The following CTDSPL2 variants were observed in gnomAD, a reference collection of about 807,000 sequenced individuals.
CTDSPL2 encodes the protein CTD small phosphatase-like protein 2.
A neutral mutation model predicts 60.0 loss-of-function variants in CTDSPL2; 5 were observed. That is an observed-to-expected ratio of 0.08 (90% confidence interval 0.04 to 0.18). CTDSPL2 has a LOEUF of 0.18. Among genes scored for constraint, CTDSPL2 ranks in the 10% least tolerant of loss-of-function variants. The pLI is 1.00. For missense variants in CTDSPL2, 370 were observed against 548.8 expected (o/e 0.67, Z 3.26); for synonymous variants, 186 against 189.3 (o/e 0.98, Z 0.14).
chr15:44,502,943 C>T (rs1747937993), intron 8 of CTDSPL2, among the ~76,000 whole-genome samples: 1 of 151,900 alleles, frequency 6.6e-6, no homozygotes, highest in Non-Finnish European at 1.5e-5. Flanking sequence ...TAATGCAAGT[C>T]TTAGAATTTG....
intron 1 of CTDSPL2, among the ~76,000 whole-genome samples, chr15:44,445,532 A>G (rs2080192268): frequency 6.6e-6 from 1 of 152,008 alleles, no homozygotes; most frequent in African/African-American, 2.4e-5. Flanking sequence ...TGGGTTAACT[A>G]TGTACATAGG....
intron 2 of CTDSPL2, among the ~76,000 whole-genome samples, chr15:44,481,430 TA>T (rs1003892011): frequency 2.6e-5 from 4 of 152,170 alleles, no homozygotes; most frequent in African/African-American, 9.6e-5. Flanking sequence ...AATAACATAG[TA>T]GGGGGGAGGG....
At chr15:44,484,030 T>C (rs1370476802) in intron 2 of CTDSPL2, among the ~76,000 whole-genome samples, 194 bp from the exon 3 acceptor site, 1 of 152,220 alleles carries the variant, frequency 6.6e-6, no homozygotes, top group Non-Finnish European at 1.5e-5. Context: ...TATTTGTATA[T>C]TGTAATTGCA....
Position 44,486,717 on chromosome 15 carries a change from A to C in CTDSPL2, c.475+17A>C. 1 of 1,491,842 alleles carries C rather than the reference A, an allele frequency of 6.7e-7. No homozygotes were observed. Among genetic ancestry groups the C allele is most frequent in the Non-Finnish European group, 9.0e-7 (1 of 1,116,566 alleles). The allele number at this position is 1,491,842 out of a possible 1,614,324, so 92.4% of individuals were successfully genotyped here. ...ATAAAAATGGTAAGTATAAACTGTT[A>C]ACTGTGATTTGGATTTTTTTTAAAA... is the stretch of plus-strand genomic sequence containing the variant. On this transcript the variant is annotated intron_variant, in intron 4 of 12. Coordinates refer to ENST00000260327, the MANE Select transcript of CTDSPL2 (RefSeq NM_016396.3).
At chr15:44,475,851 C>T (rs1193447134) in intron 2 of CTDSPL2, among the ~76,000 whole-genome samples, 1 of 152,074 alleles carries the variant, frequency 6.6e-6, no homozygotes, top group East Asian at 1.9e-4. Context: ...TGTAGTAAGA[C>T]AACCTTATGC....
At chr15:44,456,736 A>G (rs886609657) in intron 1 of CTDSPL2, among the ~76,000 whole-genome samples, 14 of 147,536 alleles carry the variant, frequency 9.5e-5, no homozygotes, top group Admixed American at 2.7e-4. Context: ...TTGTGTCTCT[A>G]TCTCCCTCAG....
At position 44,527,508 on chromosome 15, in the gene CTDSPL2, A is replaced by C. The variant is rs1463957142; in HGVS notation, c.*3334A>C. 1 of 152,168 alleles carries C rather than the reference A, an allele frequency of 6.6e-6. No homozygotes were observed. Among genetic ancestry groups the C allele is most frequent in the Non-Finnish European group, 1.5e-5 (1 of 68,004 alleles). The allele number at this position is 152,168 out of a possible 1,614,324, so 9.4% of individuals were successfully genotyped here. Reference sequence around the variant, plus strand: ...GCACAGAATTCTTCATAAGGACCAGATCTCTTCCATGTCTGTGTCAATCAC... The same window carrying C: ...GCACAGAATTCTTCATAAGGACCAGCTCTCTTCCATGTCTGTGTCAATCAC... On this transcript the variant is annotated 3_prime_UTR_variant, in exon 13 of 13. Transcript: ENST00000260327.
At chr15:44,453,991 G>A (rs1004583203) in intron 1 of CTDSPL2, among the ~76,000 whole-genome samples, 1 of 152,208 alleles carries the variant, frequency 6.6e-6, no homozygotes, top group African/African-American at 2.4e-5. Flanking sequence ...GATCCTTGAG[G>A]AATTGCCACA....
At chr15:44,482,974 C>T (rs1234970277) in intron 2 of CTDSPL2, among the ~76,000 whole-genome samples, 2 of 151,992 alleles carry the variant, frequency 1.3e-5, no homozygotes, top group Non-Finnish European at 2.9e-5. Context: ...GAAAATCACT[C>T]ATGTGGCTAG....
intron 10 of CTDSPL2, chr15:44,518,551 C>T (rs1266329979): frequency 6.6e-6 from 1 of 151,946 alleles, no homozygotes; most frequent in Non-Finnish European, 1.5e-5. Context: ...ATGTTTTGGT[C>T]TTAGGACCTT....
chr15:44,476,436 A>G (rs562533108), intron 2 of CTDSPL2, among the ~76,000 whole-genome samples: 18 of 152,300 alleles, frequency 1.2e-4, no homozygotes, highest in African/African-American at 3.1e-4. Flanking sequence ...TTAGAAGTAA[A>G]TGTATTTTAA....
intron 10 of CTDSPL2, chr15:44,516,762 A>T (rs1285780997): frequency 6.6e-6 from 1 of 152,218 alleles, no homozygotes; most frequent in Non-Finnish European, 1.5e-5. Context: ...CTAGATTTAT[A>T]AAACCTACAC....
intron 8 of CTDSPL2, among the ~76,000 whole-genome samples, chr15:44,507,124 G>A (rs1194500735): frequency 1.3e-5 from 2 of 150,132 alleles, no homozygotes; most frequent in Admixed American, 6.7e-5. Context: ...CTACTCTGTC[G>A]CCCAGGCTAG....
intron 2 of CTDSPL2, among the ~76,000 whole-genome samples, chr15:44,472,411 T>C (rs572291954): frequency 1.3e-5 from 2 of 152,340 alleles, no homozygotes; most frequent in African/African-American, 4.8e-5. Context: ...TGTCGTAGTT[T>C]TGATTTGCAT....
At chr15:44,501,395 G>C (rs1049956053) in intron 8 of CTDSPL2, among the ~76,000 whole-genome samples, 1 of 152,010 alleles carries the variant, frequency 6.6e-6, no homozygotes, top group African/African-American at 2.4e-5. Flanking sequence ...AGGTAAATTT[G>C]ATTCTTCCCT....
At chr15:44,444,663 G>A (rs967026787) in intron 1 of CTDSPL2, among the ~76,000 whole-genome samples, 2 of 150,358 alleles carry the variant, frequency 1.3e-5, no homozygotes, top group African/African-American at 4.9e-5. Flanking sequence ...TCTTCTAAGA[G>A]TCTTAGCTCT....
In CTDSPL2 at chr15:44,521,304, G is replaced by A. The variant is rs1422612928; in HGVS notation, c.1240-7G>A. ...AAGAGGATTTAATTACTTATTTATT[G>A]TTTTAGCTTTCTAATGGAATCCCTA... is the stretch of plus-strand genomic sequence containing the variant. On this transcript the variant is annotated splice_polypyrimidine_tract_variant and splice_region_variant and intron_variant, in intron 11 of 12. Transcript: ENST00000260327. The A allele has an allele frequency of 2.2e-6, 3 of 1,333,854 alleles. No individual in the cohort carries two copies. The highest frequency in any genetic ancestry group is 3.2e-6 in the Non-Finnish European group (3 of 947,386). 82.6% of individuals were successfully genotyped at this position (1,333,854 alleles called of 1,614,324 possible). A position where few individuals can be genotyped will look rare whatever the true frequency, so the allele number is the denominator to read the frequency against.
intron 1 of CTDSPL2, among the ~76,000 whole-genome samples, chr15:44,433,607 T>A (rs1409185809): frequency 6.6e-6 from 1 of 151,820 alleles, no homozygotes; most frequent in African/African-American, 2.4e-5. Context: ...CTCAGCCTCC[T>A]GAGTAGCTAG....
At chr15:44,494,293 T>C (rs997953024) in intron 5 of CTDSPL2, among the ~76,000 whole-genome samples, 1 of 152,178 alleles carries the variant, frequency 6.6e-6, no homozygotes, top group Non-Finnish European at 1.5e-5. Context: ...TAAGTGTTTA[T>C]AAATTAGAAG....
Sources: gnomAD v4.1 joint callset for allele counts (sites outside exome capture counted in the v4.1 genomes callset) on GRCh38, gnomAD v4.1.1 for gene constraint, MANE v1.5 for transcripts, NCBI Gene and HGNC (gene_info 2026-07-23, HGNC 2026-07-21) for gene names.